SMG7: variants seen among roughly 807,000 people sequenced by gnomAD.
The protein encoded by SMG7 is SMG7 nonsense mediated mRNA decay factor, also known as nonsense-mediated mRNA decay factor SMG7.
Under a neutral mutation model 148.2 loss-of-function variants are expected in SMG7, and 34 were observed. The ratio of observed to expected loss-of-function variants is 0.23; its 90% CI spans 0.17 to 0.31. The LOEUF is 0.31. Ranked by LOEUF, SMG7 falls within the 10% of genes least tolerant of loss-of-function variation. The pLI is 1.00. For synonymous variants in SMG7, 492 were observed against 515.1 expected, an observed-to-expected ratio of 0.96 and a Z score of 0.61; for missense variants, 1,114 against 1,408.4, an observed-to-expected ratio of 0.79 and a Z score of 3.35.
Position 183,516,002 on chromosome 1 carries a change from C to T in SMG7, c.179+11C>T, listed in dbSNP as rs1479964349. On this transcript the variant is annotated intron_variant, in intron 3 of 22. Transcript: ENST00000688051. ...AGTAGAACAGGATCTGTAAGTATTA[C>T]CTATCATTTGAGAAGTCCCTGTAAG... 1 of 1,499,996 alleles carries T rather than the reference C, an allele frequency of 6.7e-7. No individual in the cohort carries two copies. Among genetic ancestry groups the T allele is most frequent in the East Asian group, 2.3e-5 (1 of 43,716 alleles). The allele number at this position is 1,499,996 out of a possible 1,614,324, so 92.9% of individuals were successfully genotyped here. A position where few individuals can be genotyped will look rare whatever the true frequency, so the allele number is the denominator to read the frequency against.
At chr1:183,531,332 T>C (rs1462013132) in intron 8 of SMG7, among the ~76,000 whole-genome samples, 1 of 152,150 alleles carries the variant, frequency 6.6e-6, no homozygotes, top group African/African-American at 2.4e-5. Context: ...GTAAGTTAAA[T>C]GTGGGCTGTT....
chr1:183,549,108 A>G (rs993978372), intron 18 of SMG7, 100 bp from the exon 19 acceptor site: 27 of 836,432 alleles, frequency 3.2e-5, no homozygotes, highest in African/African-American at 6.8e-5. Context: ...TCAGTGGGCG[A>G]ATACAGGCAT....
In SMG7 at chr1:183,553,931, A is replaced by G. The variant is rs925245922; in HGVS notation, c.*2000A>G. 6.6e-6 allele frequency: 1 copy of G among 152,598 alleles called. No individual in the cohort carries two copies. The highest frequency in any genetic ancestry group is 1.5e-5 in the Non-Finnish European group (1 of 68,032). 9.5% of individuals were successfully genotyped at this position (152,598 alleles called of 1,614,324 possible). ...TCACTCCCAGTAATACCCAGCTCCT[A>G]TCTAAAGCCCCATTCTGCATGAGAA... On this transcript the variant is annotated 3_prime_UTR_variant, in exon 23 of 23. Transcript: ENST00000688051.
intron 1 of SMG7, among the ~76,000 whole-genome samples, chr1:183,489,422 TC>T (rs1656373367): frequency 6.6e-6 from 1 of 152,072 alleles, no homozygotes; most frequent in African/African-American, 2.4e-5. Context: ...AACTCCTAGG[TC>T]CTACAGCTTG....
chr1:183,488,001 G>A (rs1378952871), intron 1 of SMG7, among the ~76,000 whole-genome samples: 3 of 152,192 alleles, frequency 2.0e-5, no homozygotes, highest in Non-Finnish European at 4.4e-5. Context: ...ATACATTTCT[G>A]TTTCTGTTGG....
intron 19 of SMG7, among the ~76,000 whole-genome samples, 197 bp downstream of exon 19, chr1:183,549,485 C>G (rs755988385): frequency 6.6e-5 from 10 of 152,156 alleles, no homozygotes; most frequent in Non-Finnish European, 1.2e-4. Flanking sequence ...CCTTTAACTT[C>G]TCATTAATAT....
chr1:183,496,779 C>T (rs1658583316), intron 1 of SMG7, among the ~76,000 whole-genome samples: 1 of 152,198 alleles, frequency 6.6e-6, no homozygotes, highest in Non-Finnish European at 1.5e-5. Context: ...GAAGAATTGT[C>T]TTGGGCCACA....
chr1:183,473,042 G>A (rs1188008090), intron 1 of SMG7: 1 of 260,332 alleles, frequency 3.8e-6, no homozygotes, highest in African/African-American at 2.2e-5. Context: ...GGTGTGGCGT[G>A]GGATTGGTTG....
intron 1 of SMG7, among the ~76,000 whole-genome samples, chr1:183,503,701 A>T (rs1199013668): frequency 2.6e-5 from 4 of 152,228 alleles, no homozygotes; most frequent in Non-Finnish European, 2.9e-5. Flanking sequence ...TTTGATGGTC[A>T]TTGAACTATT....
At chr1:183,486,636 C>A (rs1042101253) in intron 1 of SMG7, among the ~76,000 whole-genome samples, 1 of 151,422 alleles carries the variant, frequency 6.6e-6, no homozygotes, top group Non-Finnish European at 1.5e-5. Flanking sequence ...GTCTCGAACT[C>A]CTGACCTCGT....
intron 4 of SMG7, among the ~76,000 whole-genome samples, chr1:183,519,462 A>G (rs745682935): frequency 6.6e-6 from 1 of 151,776 alleles, no homozygotes; most frequent in South Asian, 2.1e-4. Context: ...TCAAAAGGCT[A>G]CTATTTGTAA....
chr1:183,498,723 A>G (rs912445653), intron 1 of SMG7, among the ~76,000 whole-genome samples: 5 of 152,210 alleles, frequency 3.3e-5, no homozygotes, highest in Non-Finnish European at 7.3e-5. Flanking sequence ...CCAGAGTGGT[A>G]CATTTGTTAT....
In SMG7 at chr1:183,544,297, T is replaced by G; in HGVS notation, c.1843-56T>G. The G allele has an allele frequency of 2.1e-6, 3 of 1,460,172 alleles. No homozygotes were observed. In the South Asian group the frequency reaches 3.5e-5, roughly 17 times the overall value. The allele number at this position is 1,460,172 out of a possible 1,614,324, so 90.5% of individuals were successfully genotyped here. On this transcript the variant is annotated intron_variant, in intron 14 of 22. Coordinates refer to ENST00000688051, the MANE Select transcript of SMG7 (RefSeq NM_001375584.1). ...ACTTTCTTAGGAGTAGGGTCTTCTTTCTAGCACATTTGAGTTTCAATTTAT... is the reference window on the plus strand; with the variant it reads ...ACTTTCTTAGGAGTAGGGTCTTCTTGCTAGCACATTTGAGTTTCAATTTAT...
intron 1 of SMG7, among the ~76,000 whole-genome samples, chr1:183,481,538 G>C (rs1654112672): frequency 6.6e-6 from 1 of 152,112 alleles, no homozygotes; most frequent in Non-Finnish European, 1.5e-5. Context: ...CATAATTGGT[G>C]TTAAATAAAA....
intron 3 of SMG7, 83 bp from the exon 4 acceptor site, chr1:183,517,605 A>G (rs776312321): frequency 5.6e-6 from 7 of 1,254,898 alleles, no homozygotes; most frequent in Admixed American, 3.4e-5. Flanking sequence ...ATTATAACAG[A>G]CAGTTCTTTC....
At chr1:183,532,858 G>A (rs1025082354) in intron 8 of SMG7, among the ~76,000 whole-genome samples, 2 of 152,226 alleles carry the variant, frequency 1.3e-5, no homozygotes, top group Non-Finnish European at 2.9e-5. Context: ...TAAATTTATG[G>A]ATGAACACTC....
chr1:183,522,141 C>G (rs1263651757), intron 4 of SMG7, among the ~76,000 whole-genome samples: 2 of 152,088 alleles, frequency 1.3e-5, no homozygotes, highest in Non-Finnish European at 2.9e-5. Flanking sequence ...ATGGGAAACA[C>G]TAGGGGGAAA....
chr1:183,502,339 A>G, intron 1 of SMG7: 1 of 1,535,018 alleles, frequency 6.5e-7, no homozygotes, highest in Non-Finnish European at 8.7e-7. Flanking sequence ...TAAGTCCCAG[A>G]TGAGGACCGA....
rs747073167 is a variant in SMG7, at chr1:183,472,601, C to CGCGGCG, written c.-9_-4dup. 1,934 of 1,436,732 alleles carry CGCGGCG rather than the reference C, an allele frequency of 1.3e-3. 3 individuals are homozygous for CGCGGCG. The highest frequency in any genetic ancestry group is 1.6e-3 in the Non-Finnish European group (1,732 of 1,083,266). The allele number at this position is 1,436,732 out of a possible 1,614,324, so 89.0% of individuals were successfully genotyped here. On this transcript the variant is annotated 5_prime_UTR_variant, in exon 1 of 23. Transcript: ENST00000688051. ...GACCCACGGAGGCTTCGCGGGAAGA[C>CGCGGCG]GCGGCGGCGGCGGCGGAGGATGAGC...
Sources: gnomAD v4.1 joint callset for allele counts (sites outside exome capture counted in the v4.1 genomes callset) on GRCh38, gnomAD v4.1.1 for gene constraint, MANE v1.5 for transcripts, NCBI Gene and HGNC (gene_info 2026-07-23, HGNC 2026-07-21) for gene names.